The following DPYD variants were observed in gnomAD, a reference collection of about 807,000 sequenced individuals.
The protein encoded by DPYD is dihydropyrimidine dehydrogenase [NADP(+)].
A neutral mutation model predicts 116.2 loss-of-function variants in DPYD; 109 were observed. The observed-to-expected ratio is 0.94, with a 90% CI of 0.80 to 1.10. The LOEUF is 1.10. Ranked by LOEUF, DPYD falls within the 50% of genes least tolerant of loss-of-function variation. The probability of loss-of-function intolerance (pLI) is 0.00; values close to 1 mark genes in which losing one functional copy is unlikely to be tolerated. For missense variants in DPYD, 1,302 were observed against 1,254.5 expected, an observed-to-expected ratio of 1.04 and a Z score of -0.57; for synonymous variants, 440 against 432.0, an observed-to-expected ratio of 1.02 and a Z score of -0.23.
At chr1:97,395,265 T>C (rs1672948181) in intron 14 of DPYD, among the ~76,000 whole-genome samples, 3 of 151,684 alleles carry the variant, frequency 2.0e-5, no homozygotes, top group Admixed American at 6.6e-5. Context: ...TAAGGGGTTC[T>C]AGATCCTTTT....
chr1:97,525,973 T>A, intron 12 of DPYD, among the ~76,000 whole-genome samples: 1 of 96,052 alleles, frequency 1.0e-5, no homozygotes, highest in African/African-American at 3.7e-5. Flanking sequence ...CCCTGGGTAA[T>A]TAAGAGTGTG....
At chr1:97,436,690 T>A (rs771866726) in intron 14 of DPYD, among the ~76,000 whole-genome samples, 10 of 152,112 alleles carry the variant, frequency 6.6e-5, no homozygotes, top group Non-Finnish European at 1.5e-4. Context: ...ACCAGCATTT[T>A]AATCTTCAGC....
At chr1:97,303,366 T>TA (rs1336114269) in intron 18 of DPYD, among the ~76,000 whole-genome samples, 1 of 152,048 alleles carries the variant, frequency 6.6e-6, no homozygotes, top group East Asian at 1.9e-4. Context: ...GTAAATTTTT[T>TA]AAAAATCTTA....
At chr1:97,759,227 T>G (rs1026631691) in intron 3 of DPYD, among the ~76,000 whole-genome samples, 9 of 152,174 alleles carry the variant, frequency 5.9e-5, no homozygotes, top group African/African-American at 2.2e-4. Flanking sequence ...TTCAGAAATA[T>G]TTCACTAAAT....
intron 3 of DPYD, among the ~76,000 whole-genome samples, chr1:97,741,429 G>A (rs534997573): frequency 6.6e-6 from 1 of 152,210 alleles, no homozygotes; most frequent in Admixed American, 6.5e-5. Context: ...TCACAGAGGA[G>A]CCCCTACTGA....
intron 11 of DPYD, among the ~76,000 whole-genome samples, chr1:97,561,710 T>G (rs780485489): frequency 1.3e-5 from 2 of 152,202 alleles, no homozygotes; most frequent in Non-Finnish European, 2.9e-5. Context: ...AGCAATGATA[T>G]GTTTTTCCAC....
chr1:97,134,414 GGTCTGCTACCGACA>G (rs1326706931), intron 20 of DPYD, among the ~76,000 whole-genome samples: 2 of 152,036 alleles, frequency 1.3e-5, no homozygotes, highest in African/African-American at 4.8e-5. Context: ...CTAGCTCTCT[GGTCTGCTACCGACA>G]GGCTGGATAG....
chr1:97,377,292 G>A (rs1234401408), intron 15 of DPYD, among the ~76,000 whole-genome samples: 2 of 152,106 alleles, frequency 1.3e-5, no homozygotes, highest in Middle Eastern at 3.4e-3. Flanking sequence ...ATATATAAGA[G>A]TTTAAAGAGG....
chr1:97,471,621 C>T (rs1352162760), intron 13 of DPYD, among the ~76,000 whole-genome samples: 1 of 146,792 alleles, frequency 6.8e-6, no homozygotes, highest in East Asian at 2.0e-4. Flanking sequence ...GACAGTTTTG[C>T]TCTGTCGCCC....
chr1:97,702,945 G>A (rs1661689043), intron 5 of DPYD, among the ~76,000 whole-genome samples: 1 of 151,896 alleles, frequency 6.6e-6, no homozygotes, highest in Non-Finnish European at 1.5e-5. Context: ...AAAAGTGTTT[G>A]AAGAAATGAA....
At position 97,852,786 on chromosome 1, in the gene DPYD, G is replaced by A. The variant is rs12081421; in HGVS notation, c.151-24590C>T. 6.1e-3 allele frequency among the ~76,000 whole-genome samples: 936 copies of A among 152,256 alleles called. 9 individuals carry two copies. The highest frequency in any genetic ancestry group is 0.021 in the African/African-American group (885 of 41,542). On this transcript the variant is annotated intron_variant, in intron 2 of 22. Coordinates refer to ENST00000370192, the MANE Select transcript of DPYD (RefSeq NM_000110.4). ...TTATAATGATGATGTGTTACCCCATGAAGCTGAAACACAGGCAAAAAATGA... is the reference window on the plus strand; with the variant it reads ...TTATAATGATGATGTGTTACCCCATAAAGCTGAAACACAGGCAAAAAATGA...
At chr1:97,758,708 T>C (rs1237675933) in intron 3 of DPYD, among the ~76,000 whole-genome samples, 1 of 152,194 alleles carries the variant, frequency 6.6e-6, no homozygotes, top group Admixed American at 6.5e-5. Context: ...AAGAGAGTTA[T>C]TTAAGTTCAA....
At chr1:97,217,348 G>C (rs1457532856) in intron 19 of DPYD, among the ~76,000 whole-genome samples, 1 of 152,140 alleles carries the variant, frequency 6.6e-6, no homozygotes, top group Non-Finnish European at 1.5e-5. Flanking sequence ...CCTAAATCTG[G>C]TTTCTGAACT....
chr1:97,724,305 G>T (rs1205902893), intron 4 of DPYD, among the ~76,000 whole-genome samples: 23 of 192 alleles, frequency 0.12, no homozygotes, highest in African/African-American at 0.21. Flanking sequence ...GGGGGGGGGG[G>T]GGGTGTGTGT....
intron 13 of DPYD, among the ~76,000 whole-genome samples, chr1:97,455,852 T>C (rs1371661048): frequency 2.6e-5 from 4 of 151,972 alleles, no homozygotes; most frequent in Non-Finnish European, 5.9e-5. Flanking sequence ...ATAAATCATA[T>C]TTTTCTCTTG....
intron 3 of DPYD, among the ~76,000 whole-genome samples, chr1:97,790,822 G>T (rs540408240): frequency 6.6e-6 from 1 of 152,120 alleles, no homozygotes; most frequent in East Asian, 1.9e-4. Flanking sequence ...ATCAACAGAT[G>T]ATTTTAATCA....
At chr1:97,443,938 CTTGCAGGACACCTAAAT>C (rs1018275639) in intron 14 of DPYD, among the ~76,000 whole-genome samples, 3 of 152,206 alleles carry the variant, frequency 2.0e-5, no homozygotes, top group African/African-American at 7.2e-5. Flanking sequence ...ATCCTCCTCG[CTTGCAGGACACCTAAAT>C]TTGACTCAGT....
chr1:97,471,569 T>C lies in DPYD; in HGVS notation c.1741-21346A>G, dbSNP rs182129464. Among the ~76,000 whole-genome samples the C allele has an allele frequency of 9.2e-4, 138 of 150,670 alleles. 1 individual carries two copies. The highest frequency in any genetic ancestry group is 2.9e-3 in the African/African-American group (121 of 41,120). ...AATGAGTATTTTCACAGTAAATTAG[T>C]ATGGGATGTGATCGTCCCACTTTCC... On this transcript the variant is annotated intron_variant, in intron 13 of 22. Coordinates refer to ENST00000370192, the MANE Select transcript of DPYD (RefSeq NM_000110.4).
chr1:97,431,015 T>G (rs1675149614), intron 14 of DPYD, among the ~76,000 whole-genome samples: 1 of 151,984 alleles, frequency 6.6e-6, no homozygotes, highest in African/African-American at 2.4e-5. Flanking sequence ...AAAAATAGGG[T>G]TTTAGAATTG....
Sources: allele counts gnomAD v4.1 joint callset (sites outside exome capture counted in the v4.1 genomes callset), GRCh38; gene constraint gnomAD v4.1.1; transcripts MANE v1.5; gene names NCBI Gene and HGNC (gene_info 2026-07-23, HGNC 2026-07-21).